Variants in RGS12 observed in about 807,000 individuals in gnomAD.
The protein encoded by RGS12 is regulator of G protein signaling 12, also known as regulator of G-protein signaling 12.
In RGS12, 66 loss-of-function variants were observed where a neutral mutation model predicts 120.1. The observed-to-expected ratio is 0.55, with a 90% confidence interval of 0.45 to 0.67. The LOEUF (loss-of-function observed/expected upper bound fraction) is 0.67. Ranked by LOEUF, RGS12 falls within the 30% of genes least tolerant of loss-of-function variation. RGS12 has a pLI of 0.00. For missense variants in RGS12, 1,859 were observed against 1,957.7 expected (o/e 0.95, Z 0.95); for synonymous variants, 827 against 804.7 (o/e 1.03, Z -0.47).
At chr4:3,400,538 A>G (rs1427622934) in intron 4 of RGS12, among the ~76,000 whole-genome samples, 1 of 151,860 alleles carries the variant, frequency 6.6e-6, no homozygotes. Flanking sequence ...ATTACTGATA[A>G]AAAGCACTCA....
intron 3 of RGS12, chr4:3,378,241 C>G (rs183703296): frequency 1.3e-5 from 2 of 152,248 alleles, no homozygotes; most frequent in Admixed American, 6.5e-5. Context: ...GTCCTCATCG[C>G]ACACCATACA....
chr4:3,415,924 A>C, intron 6 of RGS12, 54 bp from the exon 7 acceptor site: 1 of 1,556,390 alleles, frequency 6.4e-7, no homozygotes, highest in Non-Finnish European at 8.7e-7. Flanking sequence ...GGCAGGCAGC[A>C]GGAGTGCGGG....
intron 1 of RGS12, among the ~76,000 whole-genome samples, chr4:3,302,231 C>G (rs1166263301): frequency 6.6e-6 from 1 of 152,154 alleles, no homozygotes; most frequent in Non-Finnish European, 1.5e-5. Context: ...AGGGCTGTGG[C>G]CTCCGTGTGT....
chr4:3,382,473 C>G (rs1403554529), intron 3 of RGS12, among the ~76,000 whole-genome samples: 3 of 152,210 alleles, frequency 2.0e-5, no homozygotes, highest in Non-Finnish European at 4.4e-5. Context: ...TGGTGGGTGT[C>G]TTGATTCCTG....
At chr4:3,403,676 C>T (rs1720820153) in intron 4 of RGS12, among the ~76,000 whole-genome samples, 1 of 152,238 alleles carries the variant, frequency 6.6e-6, no homozygotes, top group African/African-American at 2.4e-5. Context: ...GCTGGGCCGG[C>T]CTCCGCAGCC....
rs1724220419 is a variant in RGS12 at position 3,309,638 on chromosome 4, CCG to C, written c.-101-6431_-101-6430del. 9.5e-5 allele frequency among the ~76,000 whole-genome samples: 11 copies of C among 115,978 alleles called. 1 individual carries two copies. The highest frequency in any genetic ancestry group is 3.0e-4 in the African/African-American group (8 of 26,958). The allele number at this position is 115,978 out of a possible 152,430, so 76.1% of individuals were successfully genotyped here. On this transcript the variant is annotated intron_variant, in intron 1 of 17. Transcript: ENST00000336727. The stretch of plus-strand genomic sequence containing the variant: ...AATGGCAGGTGTCCGCTGAGGGGAA[CCG>C]TGTGGGGGAGGAGCTGGGACCCTGG...
chr4:3,292,464 C>T (rs1723078401), upstream of RGS12, among the ~76,000 whole-genome samples: 1 of 152,188 alleles, frequency 6.6e-6, no homozygotes, highest in Non-Finnish European at 1.5e-5. Context: ...CTCACGCCGC[C>T]CCCGAAGCTG....
chr4:3,370,342 C>G (rs1018261447), intron 3 of RGS12: 1 of 1,612,436 alleles, frequency 6.2e-7, no homozygotes, highest in Non-Finnish European at 8.5e-7. Flanking sequence ...CCGGCTTTTT[C>G]TTTTCATTTA....
In RGS12 at chr4:3,320,592, G is replaced by A. The variant is rs190024142; in HGVS notation, c.1881+2541G>A. On this transcript the variant is annotated intron_variant, in intron 2 of 17. Transcript: ENST00000336727. Reference sequence around the variant, plus strand: ...TGGGATTTGGAGTGGCCTTCATAATGTGGCGTGATACACTATCTAAAAATA... The same window carrying A: ...TGGGATTTGGAGTGGCCTTCATAATATGGCGTGATACACTATCTAAAAATA... Among the ~76,000 whole-genome samples, 209 of 152,324 alleles carry A rather than the reference G, an allele frequency of 1.4e-3. 2 individuals carry two copies. The highest frequency in any genetic ancestry group is 1.8e-4 in the Non-Finnish European group (12 of 68,024).
intron 1 of RGS12, chr4:3,312,546 G>A (rs1184373071): frequency 4.4e-6 from 1 of 226,808 alleles, no homozygotes. Context: ...TGTAGGCTTA[G>A]ACCAAGACGG....
In RGS12 at chr4:3,433,925, G is replaced by T. The variant is rs1724576166; in HGVS notation, c.4114+2970G>T. On this transcript the variant is annotated intron_variant, in intron 17 of 17. Coordinates refer to ENST00000336727, the MANE Select transcript of RGS12 (RefSeq NM_001394154.1). The surrounding 1 kb of genome is among the most constrained non-coding windows in gnomAD (Gnocchi z 4.4). ...CCAGGCCACCCAGTCTAATGGCCCT[G>T]AGCCTTAGCTGTCTGACACACACAA... Among the ~76,000 whole-genome samples the T allele has an allele frequency of 6.6e-6, 1 of 152,192 alleles. No homozygotes were observed. Among genetic ancestry groups the T allele is most frequent in the African/African-American group, 2.4e-5 (1 of 41,454 alleles).
chr4:3,318,636 C>T (rs1221430997), intron 2 of RGS12, among the ~76,000 whole-genome samples: 2 of 152,242 alleles, frequency 1.3e-5, no homozygotes, highest in Non-Finnish European at 2.9e-5. Flanking sequence ...CCTTGAAGAC[C>T]TGGACCCATC....
intron 16 of RGS12, 111 bp downstream of exon 16, chr4:3,428,822 C>T: frequency 1.1e-6 from 1 of 919,378 alleles, no homozygotes; most frequent in Non-Finnish European, 1.6e-6. Context: ...GCGGTCCGTC[C>T]CTGTGGCCTG....
intron 1 of RGS12, among the ~76,000 whole-genome samples, chr4:3,309,703 G>T: frequency 7.1e-6 from 1 of 140,070 alleles, no homozygotes; most frequent in East Asian, 2.1e-4. Context: ...GTGCAGGGGA[G>T]GAGCTGGGAC....
chr4:3,350,244 C>T (rs1714234104), intron 3 of RGS12, among the ~76,000 whole-genome samples: 1 of 152,178 alleles, frequency 6.6e-6, no homozygotes, highest in African/African-American at 2.4e-5. Context: ...TGGATTTATA[C>T]TTTTATAACC....
intron 1 of RGS12, among the ~76,000 whole-genome samples, chr4:3,295,215 G>T (rs955244110): frequency 1.3e-5 from 2 of 152,198 alleles, no homozygotes; most frequent in African/African-American, 4.8e-5. Flanking sequence ...GAAGGTCGGG[G>T]GTAGAGGAGA....
chr4:3,336,364 C>T (rs1223246099), intron 2 of RGS12, among the ~76,000 whole-genome samples: 1 of 152,226 alleles, frequency 6.6e-6, no homozygotes, highest in Non-Finnish European at 1.5e-5. Context: ...GTTAGAACTA[C>T]GGGTGGTTTC....
chr4:3,340,204 C>T (rs1004767257), intron 2 of RGS12, among the ~76,000 whole-genome samples: 4 of 152,186 alleles, frequency 2.6e-5, no homozygotes, highest in Admixed American at 2.0e-4. Context: ...TCCCCTCTGC[C>T]GGGGCCGCAC....
chr4:3,317,842 A>C lies in RGS12; in HGVS notation c.1672A>C (p.Thr558Pro). 2 of 1,613,488 alleles carry C rather than the reference A, an allele frequency of 1.2e-6. No homozygotes were observed. The highest frequency in any genetic ancestry group is 1.7e-6 in the Non-Finnish European group (2 of 1,179,896). The change falls in exon 2 of 18, where the codon ACA becomes CCA. Residue 558 changes from threonine to proline, a missense_variant. This residue lies in a region of RGS12 where 967 missense variants were observed against 994.2 expected (regional missense o/e 0.97). Coordinates refer to ENST00000336727, the MANE Select transcript of RGS12 (RefSeq NM_001394154.1). ...CGHTSDQDSY[T>P]DSTDGWSSIN... ...ACACACCAGCGACCAGGACTCTTAC[A>C]CAGATTCCACCGATGGCTGGTCCAG...
Sources: gnomAD v4.1 joint callset for allele counts (sites outside exome capture counted in the v4.1 genomes callset) on GRCh38, gnomAD v4.1.1 for gene constraint, gnomAD v4.1.1 regional missense constraint, Gnocchi (gnomAD v3.1) non-coding constraint, MANE v1.5 for transcripts, NCBI Gene and HGNC (gene_info 2026-07-23, HGNC 2026-07-21) for gene names.